AOPEP: variants seen among roughly 807,000 people sequenced by gnomAD.
AOPEP encodes aminopeptidase O.
Under a neutral mutation model 98.1 loss-of-function variants are expected in AOPEP, and 77 were observed. That is an observed-to-expected ratio of 0.78 (90% CI 0.65 to 0.95). The LOEUF is 0.95. Among genes scored for constraint, AOPEP ranks in the 40% least tolerant of loss-of-function variants. The pLI is 0.00. For missense variants in AOPEP, 1,024 were observed against 1,024.7 expected (o/e 1.00, Z 0.01); for synonymous variants, 346 against 365.3 (o/e 0.95, Z 0.60).
chr9:94,869,601 G>T (rs1588630332), intron 5 of AOPEP, among the ~76,000 whole-genome samples: 1 of 152,174 alleles, frequency 6.6e-6, no homozygotes, highest in Admixed American at 6.5e-5. Flanking sequence ...ATAGAATGGG[G>T]TTGGTAATGT....
intron 1 of AOPEP, among the ~76,000 whole-genome samples, chr9:94,743,795 A>T (rs1206749795): frequency 1.3e-5 from 2 of 152,128 alleles, no homozygotes; most frequent in African/African-American, 4.8e-5. Context: ...GGTCATTAGG[A>T]GGGGAAACGT....
chr9:94,798,174 C>T (rs762654989), intron 4 of AOPEP, among the ~76,000 whole-genome samples: 1 of 152,204 alleles, frequency 6.6e-6, no homozygotes, highest in Non-Finnish European at 1.5e-5. Flanking sequence ...TATGTGGGAA[C>T]GCAGAAGTGG....
chr9:95,022,515 A>G (rs1220796179), intron 13 of AOPEP, among the ~76,000 whole-genome samples: 1 of 151,794 alleles, frequency 6.6e-6, no homozygotes, highest in Admixed American at 6.6e-5. Context: ...TTTTTTTTGT[A>G]TTTTTAGTAG....
chr9:95,010,512 T>C (rs1330494623), intron 13 of AOPEP, among the ~76,000 whole-genome samples: 2 of 152,258 alleles, frequency 1.3e-5, no homozygotes, highest in Admixed American at 6.5e-5. Context: ...GCCACTCTTA[T>C]GCCACTGAGG....
chr9:95,021,609 G>C (rs1320211752), intron 13 of AOPEP: 1 of 152,218 alleles, frequency 6.6e-6, no homozygotes, highest in African/African-American at 2.4e-5. Context: ...GTGTGGGTGT[G>C]TGTGCATACA....
intron 5 of AOPEP, among the ~76,000 whole-genome samples, chr9:94,907,384 C>G (rs1408466408): frequency 6.6e-6 from 1 of 152,120 alleles, no homozygotes; most frequent in Non-Finnish European, 1.5e-5. Flanking sequence ...GTGTCCAGAT[C>G]AAGTGCAGCT....
At chr9:94,781,143 T>C (rs950562877) in intron 3 of AOPEP, among the ~76,000 whole-genome samples, 13 of 152,166 alleles carry the variant, frequency 8.5e-5, no homozygotes, top group Non-Finnish European at 1.9e-4. Context: ...TAGATTAACT[T>C]GCTTGGCTCT....
the AOPEP span, among the ~76,000 whole-genome samples, chr9:95,148,023 T>G: frequency 6.6e-6 from 1 of 152,176 alleles, no homozygotes; most frequent in African/African-American, 2.4e-5. Context: ...TTTGCACTGA[T>G]AGCGCAAAAG....
chr9:94,998,127 A>G (rs2061351117), intron 11 of AOPEP, among the ~76,000 whole-genome samples: 1 of 151,932 alleles, frequency 6.6e-6, no homozygotes, highest in Non-Finnish European at 1.5e-5. Flanking sequence ...CTTTTATGGT[A>G]TGGAATTATA....
chr9:95,081,181 C>G (rs146191872), intron 15 of AOPEP, among the ~76,000 whole-genome samples: 214 of 152,352 alleles, frequency 1.4e-3, no homozygotes, highest in African/African-American at 4.9e-3. Flanking sequence ...CGGTCTGTAC[C>G]TGCACCTGCC....
At chr9:94,982,564 A>AATTTTTTTTTTTTTTTTTTTT (rs1564480333) in intron 11 of AOPEP, among the ~76,000 whole-genome samples, 1 of 140,098 alleles carries the variant, frequency 7.1e-6, no homozygotes, top group African/African-American at 2.9e-5. Context: ...CAAGAGCAAT[A>AATTTTTTTTTTTTTTTTTTTT]CTTTTTTTTT....
chr9:94,915,404 A>G (rs2052654804), intron 5 of AOPEP, among the ~76,000 whole-genome samples: 1 of 152,180 alleles, frequency 6.6e-6, no homozygotes, highest in South Asian at 2.1e-4. Flanking sequence ...GATTTAGCAG[A>G]ATTGATTCTA....
chr9:95,125,201 TC>T, the AOPEP span: 1 of 1,602,672 alleles, frequency 6.2e-7, no homozygotes, highest in African/African-American at 1.3e-5. Context: ...CAATGCAAAG[TC>T]AGATCAGAAC....
rs150960076 is a variant in AOPEP at position 95,063,307 on chromosome 9, C to G, written c.2232+2497C>G. The stretch of plus-strand genomic sequence containing the variant: ...TGCCTGCCTTAGCAGGTCTCTTAAG[C>G]TGTAAAAATAGCTACCCATGGCAGT... On this transcript the variant is annotated intron_variant, in intron 14 of 16. Coordinates refer to ENST00000375315, the MANE Select transcript of AOPEP (RefSeq NM_001193329.3). Among the ~76,000 whole-genome samples, 410 of 152,352 alleles carry G rather than the reference C, an allele frequency of 2.7e-3. 2 individuals are homozygous for G. The highest frequency in any genetic ancestry group is 9.0e-3 in the African/African-American group (375 of 41,592).
the AOPEP span, among the ~76,000 whole-genome samples, chr9:95,102,603 A>G: frequency 6.6e-6 from 1 of 152,188 alleles, no homozygotes; most frequent in Non-Finnish European, 1.5e-5. Flanking sequence ...GCAAATGTTT[A>G]ATTAGCCAGA....
the AOPEP span, chr9:95,126,649 A>G: frequency 6.6e-7 from 1 of 1,519,398 alleles, no homozygotes; most frequent in East Asian, 2.3e-5. Flanking sequence ...TGCTATTATC[A>G]GCCAAAGGAG....
At chr9:95,040,908 G>A (rs1037442425) in intron 13 of AOPEP, among the ~76,000 whole-genome samples, 1 of 36,822 alleles carries the variant, frequency 2.7e-5, no homozygotes, top group Non-Finnish European at 6.1e-5. Flanking sequence ...TAGAAAACAC[G>A]GTAAACAGTC....
At chr9:94,811,377 T>C (rs1850544646) in intron 5 of AOPEP, among the ~76,000 whole-genome samples, 1 of 152,176 alleles carries the variant, frequency 6.6e-6, no homozygotes, top group African/African-American at 2.4e-5. Flanking sequence ...GGTTAATGCA[T>C]GCATGGCAGA....
intron 10 of AOPEP, among the ~76,000 whole-genome samples, chr9:94,971,611 A>C (rs2059540470): frequency 6.6e-6 from 1 of 152,150 alleles, no homozygotes; most frequent in Non-Finnish European, 1.5e-5. Flanking sequence ...TGATGAGGCA[A>C]GGTTTTTCAG....
Sources: allele counts gnomAD v4.1 joint callset (sites outside exome capture counted in the v4.1 genomes callset), GRCh38; gene constraint gnomAD v4.1.1; transcripts MANE v1.5; gene names NCBI Gene and HGNC (gene_info 2026-07-23, HGNC 2026-07-21).